Variants in TRMT11 observed in about 807,000 individuals in gnomAD.
The protein encoded by TRMT11 is tRNA (guanine(10)-N(2))-methyltransferase TRMT11.
In TRMT11, 53 loss-of-function variants were observed where a neutral mutation model predicts 62.8. That is an observed-to-expected ratio of 0.84 (90% confidence interval 0.68 to 1.06). The LOEUF (loss-of-function observed/expected upper bound fraction) is 1.06. TRMT11 is among the 50% of genes least tolerant of loss of function. The pLI is 0.00. For missense variants in TRMT11, 556 were observed against 553.4 expected (o/e 1.00, Z -0.05); for synonymous variants, 188 against 190.3 (o/e 0.99, Z 0.10).
At chr6:126,021,741 T>A (rs1189074846) in intron 12 of TRMT11, among the ~76,000 whole-genome samples, 1 of 152,210 alleles carries the variant, frequency 6.6e-6, no homozygotes, top group African/African-American at 2.4e-5. Context: ...TGTCTCTCTC[T>A]TACATACAAA....
chr6:126,226,366 A>G, the TRMT11 span, among the ~76,000 whole-genome samples: 1 of 152,208 alleles, frequency 6.6e-6, no homozygotes, highest in Non-Finnish European at 1.5e-5. Context: ...GACCTTGCCA[A>G]TCCCAATATC....
the TRMT11 span, among the ~76,000 whole-genome samples, chr6:126,239,228 G>A: frequency 2.0e-5 from 3 of 152,168 alleles, no homozygotes; most frequent in African/African-American, 7.2e-5. Context: ...ATATTGTTAT[G>A]TGTGAATTTG....
At chr6:125,992,744 T>A (rs548705840) in intron 1 of TRMT11, among the ~76,000 whole-genome samples, 6 of 152,228 alleles carry the variant, frequency 3.9e-5, no homozygotes, top group Non-Finnish European at 8.8e-5. Flanking sequence ...TCATGATGTC[T>A]CCTATTCAGA....
At chr6:126,005,142 C>T (rs1793168650) in intron 7 of TRMT11, among the ~76,000 whole-genome samples, 1 of 152,022 alleles carries the variant, frequency 6.6e-6, no homozygotes, top group East Asian at 1.9e-4. Context: ...ACAGCCCTGT[C>T]TGTGATACAG....
intron 1 of TRMT11, among the ~76,000 whole-genome samples, chr6:126,190,328 C>G (rs1314820725): frequency 6.6e-6 from 1 of 152,078 alleles, no homozygotes; most frequent in Non-Finnish European, 1.5e-5. Flanking sequence ...GGCTGTTTCT[C>G]CCATGCTGTT....
intron 21 of TRMT11, among the ~76,000 whole-genome samples, chr6:126,169,639 T>A (rs971010263): frequency 2.0e-5 from 3 of 152,210 alleles, no homozygotes; most frequent in African/African-American, 7.2e-5. Context: ...GAAGAGTTTC[T>A]GGGTCCCATA....
At chr6:126,181,271 A>G (rs1186664249) in intron 1 of TRMT11, among the ~76,000 whole-genome samples, 5 of 152,206 alleles carry the variant, frequency 3.3e-5, no homozygotes, top group Admixed American at 2.6e-4. Context: ...ATGCATGACC[A>G]GGCTGGTAGA....
At chr6:126,035,197 T>C (rs1312267387) in intron 12 of TRMT11, among the ~76,000 whole-genome samples, 1 of 152,110 alleles carries the variant, frequency 6.6e-6, no homozygotes. Context: ...TATGATTATA[T>C]GTGATATGTG....
chr6:126,168,868 T>G (rs987270296), intron 21 of TRMT11, among the ~76,000 whole-genome samples: 1 of 152,204 alleles, frequency 6.6e-6, no homozygotes, highest in East Asian at 1.9e-4. Context: ...ATTTTATGGG[T>G]GAGTCTACTT....
chr6:126,182,607 CT>C (rs1304074389), intron 1 of TRMT11, among the ~76,000 whole-genome samples: 1 of 152,010 alleles, frequency 6.6e-6, no homozygotes, highest in Non-Finnish European at 1.5e-5. Flanking sequence ...CAGTGTGACC[CT>C]TTTCCAGGTG....
intron 12 of TRMT11, among the ~76,000 whole-genome samples, chr6:126,032,964 C>T (rs1020976717): frequency 1.3e-5 from 2 of 152,154 alleles, no homozygotes; most frequent in African/African-American, 4.8e-5. Context: ...TACCCTGATA[C>T]TACTCTTCAA....
chr6:126,069,089 C>T (rs1019071335), intron 17 of TRMT11, among the ~76,000 whole-genome samples: 1 of 152,154 alleles, frequency 6.6e-6, no homozygotes, highest in Non-Finnish European at 1.5e-5. Flanking sequence ...GGAATGAAGC[C>T]CCAAACAATA....
chr6:126,084,164 C>T (rs2128159957), intron 17 of TRMT11, among the ~76,000 whole-genome samples: 1 of 152,260 alleles, frequency 6.6e-6, no homozygotes, highest in Non-Finnish European at 1.5e-5. Flanking sequence ...TTAGAAGTCT[C>T]CATACTGTTT....
chr6:126,007,695 A>T (rs1274217429), intron 7 of TRMT11, among the ~76,000 whole-genome samples: 2 of 151,958 alleles, frequency 1.3e-5, no homozygotes, highest in Non-Finnish European at 2.9e-5. Flanking sequence ...CACATCTGTC[A>T]CATTACTTTG....
rs1446636123 is a variant in TRMT11, at chr6:126,121,756, T to C, written c.*1823+5901T>C. On this transcript the variant is annotated intron_variant and NMD_transcript_variant, in intron 21 of 22. Transcript: ENST00000648977. ...ATCATGTCCAGGACAATTTATGTTC[T>C]CTTGGAAAGTCAGGGTTATATCCCC... Among the ~76,000 whole-genome samples the C allele has an allele frequency of 2.0e-5, 3 of 152,088 alleles. No homozygotes were observed. In the South Asian group the frequency reaches 6.2e-4, roughly 32 times the overall value.
the TRMT11 span, among the ~76,000 whole-genome samples, chr6:126,228,210 A>C: frequency 6.6e-6 from 1 of 152,198 alleles, no homozygotes; most frequent in Non-Finnish European, 1.5e-5. Flanking sequence ...ATTTTCACTA[A>C]GTGGTCAGGA....
intron 21 of TRMT11, among the ~76,000 whole-genome samples, chr6:126,135,569 A>G (rs1777840758): frequency 6.6e-6 from 1 of 151,772 alleles, no homozygotes; most frequent in Non-Finnish European, 1.5e-5. Flanking sequence ...TTGAAGAAGT[A>G]CTAATACCAA....
intron 11 of TRMT11, among the ~76,000 whole-genome samples, chr6:126,019,714 T>A (rs1447821316): frequency 6.6e-6 from 1 of 152,180 alleles, no homozygotes; most frequent in African/African-American, 2.4e-5. Context: ...AACCATGGTG[T>A]AGAATATATT....
intron 16 of TRMT11, among the ~76,000 whole-genome samples, chr6:126,045,022 C>A (rs980447954): frequency 4.6e-5 from 7 of 152,022 alleles, no homozygotes; most frequent in African/African-American, 1.7e-4. Context: ...CCCATCTCTA[C>A]TAAAAATACA....
Sources: allele counts gnomAD v4.1 joint callset (sites outside exome capture counted in the v4.1 genomes callset), GRCh38; gene constraint gnomAD v4.1.1; transcripts MANE v1.5; gene names NCBI Gene and HGNC (gene_info 2026-07-23, HGNC 2026-07-21).